WNK1: variants seen among roughly 807,000 people sequenced by gnomAD.
WNK1 encodes the protein serine/threonine-protein kinase WNK1.
WNK1 carries 38 observed loss-of-function variants against 222.8 expected under a neutral mutation model. The ratio of observed to expected loss-of-function variants is 0.17; its 90% CI spans 0.13 to 0.22. The LOEUF (loss-of-function observed/expected upper bound fraction) is 0.22, where lower values mean the gene tolerates loss of function less well. Among genes scored for constraint, WNK1 ranks in the 10% least tolerant of loss-of-function variants. The probability of loss-of-function intolerance (pLI) is 1.00; values close to 1 mark genes in which losing one functional copy is unlikely to be tolerated. For synonymous variants in WNK1, 1,090 were observed against 1,092.9 expected, an observed-to-expected ratio of 1.00 and a Z score of 0.05; for missense variants, 2,348 against 2,918.4, an observed-to-expected ratio of 0.80 and a Z score of 4.50.
chr12:906,548 A>T (rs1955714940), intron 26 of WNK1: 2 of 985,306 alleles, frequency 2.0e-6, no homozygotes, highest in South Asian at 4.7e-5. Context: ...TCTTCAGGAA[A>T]ACCATGTCTT....
chr12:864,123 T>TTTTTTTTTTC (rs71051398), intron 8 of WNK1, among the ~76,000 whole-genome samples: 1,898 of 147,082 alleles, frequency 0.013, 18 homozygotes, highest in Middle Eastern at 0.035. Context: ...TTTTTTTTTT[T>TTTTTTTTTTC]TTTTGACAGC....
chr12:880,004 A>G lies in WNK1; in HGVS notation c.2805A>G (p.Pro935=), dbSNP rs555482187. 2 of 1,614,154 alleles carry G rather than the reference A, an allele frequency of 1.2e-6. No homozygotes were observed. Among genetic ancestry groups the G allele is most frequent in the Admixed American group, 1.7e-5 (1 of 60,020 alleles). Residue 935 remains proline, a synonymous_variant, in exon 11 of 28, where the codon CCA becomes CCG. Transcript: ENST00000315939. ...ACCTTGGACAAGCTGCTGAGGTTCC[A>G]CTTTCCTCTGGAGATGTTCTGTACC... ...PANLGQAAEV[P]LSSGDVLYQG... is the part of the protein sequence containing the mutation.
intron 6 of WNK1, among the ~76,000 whole-genome samples, chr12:860,136 T>C (rs887248075): frequency 1.3e-5 from 2 of 152,324 alleles, no homozygotes; most frequent in Non-Finnish European, 1.5e-5. Flanking sequence ...TAAGATTGAG[T>C]GACTCCCAGT....
intron 3 of WNK1, among the ~76,000 whole-genome samples, chr12:828,539 C>G (rs1948552477): frequency 6.6e-6 from 1 of 152,036 alleles, no homozygotes; most frequent in Non-Finnish European, 1.5e-5. Flanking sequence ...GCATTCCCAG[C>G]CTCTACCCAC....
In WNK1 at chr12:754,336, C is replaced by T; in HGVS notation, c.759+12C>T. The T allele has an allele frequency of 6.2e-7, 1 of 1,610,750 alleles. No homozygotes were observed. Among genetic ancestry groups the T allele is most frequent in the South Asian group, 1.1e-5 (1 of 91,078 alleles). ...GGTGTGAACTGCAGGTAAAGCCCCA[C>T]CTACTTTATTTGACGGTCCTTTGGA... On this transcript the variant is annotated intron_variant, in intron 1 of 27. Coordinates refer to ENST00000315939, the MANE Select transcript of WNK1 (RefSeq NM_018979.4).
chr12:783,600 A>C (rs1284624873), intron 1 of WNK1, among the ~76,000 whole-genome samples: 1 of 134,470 alleles, frequency 7.4e-6, no homozygotes, highest in Admixed American at 7.4e-5. Context: ...GTTTGAGACC[A>C]GGCTAGGCAA....
At chr12:871,135 C>T in intron 8 of WNK1, 130 bp from the exon 9 acceptor site, 2 of 861,424 alleles carry the variant, frequency 2.3e-6, no homozygotes, top group Non-Finnish European at 1.9e-6. Flanking sequence ...CTCTCCCATA[C>T]ATAATCAGGT....
At position 826,675 on chromosome 12, in the gene WNK1, AT is replaced by A. The variant is rs201882386; in HGVS notation, c.933-364del. On this transcript the variant is annotated intron_variant, in intron 2 of 27. Coordinates refer to ENST00000315939, the MANE Select transcript of WNK1 (RefSeq NM_018979.4). The stretch of plus-strand genomic sequence containing the variant: ...GGTGACCTAATGTTAAGGAATTCAT[AT>A]TTGGTGCTTTGTTACCATAATTCTC... Among the ~76,000 whole-genome samples the A allele has an allele frequency of 6.9e-4, 105 of 152,272 alleles. 2 individuals are homozygous for A. The East Asian group carries it at 0.014, about 21-fold the overall frequency.
chr12:823,520 C>T (rs991098851), intron 2 of WNK1, among the ~76,000 whole-genome samples: 9 of 152,170 alleles, frequency 5.9e-5, no homozygotes, highest in Non-Finnish European at 2.9e-5. Flanking sequence ...CCTTTTTCTT[C>T]TGTGTGTTCG....
intron 4 of WNK1, among the ~76,000 whole-genome samples, chr12:844,890 CTTTTTTTTTT>C (rs11352734): frequency 1.2e-4 from 10 of 80,430 alleles, no homozygotes; most frequent in African/African-American, 4.6e-5. Context: ...TGTACCTTCT[CTTTTTTTTTT>C]TTTTTTTTTT....
In WNK1 at chr12:754,074, G is replaced by A. The variant is rs1341481294; in HGVS notation, c.509G>A (p.Ser170Asn). ...TSKDRPVSQP[S>N]LVGSKEEPPP... Reference sequence around the variant, plus strand: ...AAAGACCGCCCAGTGTCCCAGCCTAGCCTTGTGGGGAGCAAAGAGGAGCCG... The same window carrying A: ...AAAGACCGCCCAGTGTCCCAGCCTAACCTTGTGGGGAGCAAAGAGGAGCCG... The change falls in exon 1 of 28, where the codon AGC becomes AAC. Residue 170 changes from serine (S) to asparagine (N), a missense_variant. Physicochemically the swap from Ser to Asn is conservative, Grantham distance 46. Around this residue, in one of 13 missense-constraint regions of WNK1, gnomAD observed 185 missense variants for 159.2 expected, o/e 1.16. Transcript: ENST00000315939. 2.5e-6 allele frequency: 4 copies of A among 1,607,854 alleles called. No homozygotes were observed. The highest frequency in any genetic ancestry group is 3.4e-6 in the Non-Finnish European group (4 of 1,177,780).
intron 23 of WNK1, 125 bp downstream of exon 23, chr12:894,760 A>G: frequency 2.4e-6 from 2 of 827,378 alleles, no homozygotes; most frequent in Non-Finnish European, 4.1e-6. Context: ...ATAGTACTTT[A>G]TAGCTCTTTT....
rs1216627755 is a variant in WNK1 at position 896,080 on chromosome 12, G to T, written c.5593G>T (p.Ala1865Ser). The change falls in exon 24 of 28, where the codon GCA becomes TCA. Residue 1865 changes from alanine to serine, a missense_variant. By Grantham distance (99) the Ala-to-Ser change is moderately conservative (BLOSUM62 1). Around this residue, in one of 13 missense-constraint regions of WNK1, gnomAD observed 1,144 missense variants for 1,273.6 expected, o/e 0.90. Coordinates refer to ENST00000315939, the MANE Select transcript of WNK1 (RefSeq NM_018979.4). ...TGTCCTTTTTTATCAGGTTTCTGTT[G>T]CAGCAGACGGTGCCCAGAAAGAGGG... is the stretch of plus-strand genomic sequence containing the variant. ...FKMGRFQVSV[A>S]ADGAQKEGKN... 3 of 1,614,018 alleles carry T rather than the reference G, an allele frequency of 1.9e-6. No homozygotes were observed. The African/African-American group carries it at 4.0e-5, about 22-fold the overall frequency.
At chr12:818,913 A>G (rs1170292088) in intron 2 of WNK1, among the ~76,000 whole-genome samples, 3 of 152,194 alleles carry the variant, frequency 2.0e-5, no homozygotes, top group Admixed American at 6.5e-5. Flanking sequence ...TATTATGAGT[A>G]CTGCTGCTAT....
intron 4 of WNK1, among the ~76,000 whole-genome samples, chr12:836,008 A>T (rs930956631): frequency 6.6e-6 from 1 of 152,130 alleles, no homozygotes; most frequent in Non-Finnish European, 1.5e-5. Context: ...TCTAGAATAG[A>T]TGGGAGATAA....
intron 4 of WNK1, among the ~76,000 whole-genome samples, chr12:830,668 G>A (rs1359889365): frequency 6.6e-6 from 1 of 152,160 alleles, no homozygotes; most frequent in Non-Finnish European, 1.5e-5. Context: ...TGCTGACAGA[G>A]ATATTTTCTA....
In WNK1 at chr12:753,015, G is replaced by C. The variant is rs1489200147; in HGVS notation, c.-551G>C. ...GAGGAGGCGGCCGCCCGAGTGACCG[G>C]GAGCCGGGCCGCGGCCTTCCCTCGC... is the stretch of plus-strand genomic sequence containing the variant. On this transcript the variant is annotated 5_prime_UTR_variant, in exon 1 of 28. Coordinates refer to ENST00000315939, the MANE Select transcript of WNK1 (RefSeq NM_018979.4). The surrounding 1 kb of genome is among the most constrained non-coding windows in gnomAD (Gnocchi z 5.2). 6.6e-6 allele frequency: 1 copy of C among 152,080 alleles called. No individual in the cohort carries two copies. Among genetic ancestry groups the C allele is most frequent in the Non-Finnish European group, 1.5e-5 (1 of 68,034 alleles). 9.4% of individuals were successfully genotyped at this position (152,080 alleles called of 1,614,324 possible). A position where few individuals can be genotyped will look rare whatever the true frequency, so the allele number is the denominator to read the frequency against.
intron 8 of WNK1, chr12:867,682 G>A (rs958387055): frequency 2.5e-5 from 17 of 670,146 alleles, no homozygotes; most frequent in Non-Finnish European, 4.3e-5. Context: ...GATTTCATTG[G>A]CCCTGGATGT....
At chr12:863,157 C>T (rs1463801656) in intron 8 of WNK1, among the ~76,000 whole-genome samples, 1 of 152,118 alleles carries the variant, frequency 6.6e-6, no homozygotes, top group Non-Finnish European at 1.5e-5. Flanking sequence ...CAGATTTTCC[C>T]CTTCTCAGAA....
Sources: allele counts gnomAD v4.1 joint callset (sites outside exome capture counted in the v4.1 genomes callset), GRCh38; gene constraint gnomAD v4.1.1; regional missense constraint gnomAD v4.1.1; non-coding constraint Gnocchi (gnomAD v3.1); transcripts MANE v1.5; gene names NCBI Gene and HGNC (gene_info 2026-07-23, HGNC 2026-07-21).